The following SMTN variants were observed in gnomAD, a reference collection of about 807,000 sequenced individuals.
SMTN encodes the protein smoothelin.
Under a neutral mutation model 102.0 loss-of-function variants are expected in SMTN, and 58 were observed. The observed-to-expected ratio is 0.57, with a 90% CI of 0.46 to 0.71. SMTN has a LOEUF of 0.71. Among genes scored for constraint, SMTN ranks in the 30% least tolerant of loss-of-function variants. SMTN has a pLI of 0.00. For missense variants in SMTN, 1,185 were observed against 1,241.7 expected, an observed-to-expected ratio of 0.95 and a Z score of 0.69; for synonymous variants, 478 against 497.9, an observed-to-expected ratio of 0.96 and a Z score of 0.53.
chr22:31,076,879 A>G (rs577337540), upstream of SMTN, among the ~76,000 whole-genome samples: 28 of 152,342 alleles, frequency 1.8e-4, no homozygotes, highest in Admixed American at 5.2e-4. Flanking sequence ...TCTGGAGCCA[A>G]AATACCCTCA....
upstream of SMTN, among the ~76,000 whole-genome samples, chr22:31,080,292 G>C (rs545199521): frequency 2.0e-5 from 3 of 152,326 alleles, no homozygotes; most frequent in East Asian, 1.9e-4. Context: ...GGACTCAGAA[G>C]GTGCTGGGTA....
At chr22:31,096,646 C>A in intron 13 of SMTN, 87 bp from the exon 14 acceptor site, 1 of 1,400,508 alleles carries the variant, frequency 7.1e-7, no homozygotes, top group Non-Finnish European at 9.5e-7. Context: ...CCCTCCACCC[C>A]GTCTTGTGTG....
intron 11 of SMTN, chr22:31,093,996 G>A (rs1027258796): frequency 1.1e-5 from 8 of 719,836 alleles, no homozygotes; most frequent in Non-Finnish European, 1.8e-5. Flanking sequence ...GGGGACTGGG[G>A]CACTAGTGCT....
upstream of SMTN, among the ~76,000 whole-genome samples, chr22:31,076,936 G>C (rs900563952): frequency 5.3e-5 from 8 of 152,194 alleles, no homozygotes; most frequent in African/African-American, 1.9e-4. Context: ...GTCCAGAGCT[G>C]AACCTGGAAG....
intron 16 of SMTN, among the ~76,000 whole-genome samples, chr22:31,098,395 C>T (rs2043768480): frequency 6.6e-6 from 1 of 152,102 alleles, no homozygotes; most frequent in Non-Finnish European, 1.5e-5. Flanking sequence ...GCTGAACTCC[C>T]CTGTAACTTG....
At chr22:31,089,233 C>G (rs952137587) in intron 6 of SMTN, among the ~76,000 whole-genome samples, 1 of 152,202 alleles carries the variant, frequency 6.6e-6, no homozygotes, top group Non-Finnish European at 1.5e-5. Flanking sequence ...ATGTCAGACC[C>G]CAGCTGGCTC....
upstream of SMTN, chr22:31,080,773 G>GC (rs1267643930): frequency 6.6e-6 from 1 of 152,468 alleles, no homozygotes; most frequent in African/African-American, 2.4e-5. Context: ...GCTGGGGGAG[G>GC]CGTGCTGTGT....
intron 2 of SMTN, chr22:31,083,635 A>G (rs764544863): frequency 2.1e-5 from 5 of 236,422 alleles, no homozygotes; most frequent in Non-Finnish European, 3.4e-5. Flanking sequence ...AGCTCGGGCA[A>G]TGCCCACCCC....
chr22:31,094,096 C>T lies in SMTN; in HGVS notation c.1633-1207C>T, dbSNP rs1437080013. Among the ~76,000 whole-genome samples, 6 of 152,218 alleles carry T rather than the reference C, an allele frequency of 3.9e-5. No individual in the cohort carries two copies. In the South Asian group the frequency reaches 6.2e-4, roughly 16 times the overall value. ...GCCCCTGGCATGACCCAGGCCCCAG[C>T]CCCCAGCTCCCTGCCGCCCTGCACC... On this transcript the variant is annotated intron_variant, in intron 11 of 20. Coordinates refer to ENST00000333137, the MANE Select transcript of SMTN (RefSeq NM_134269.3).
At chr22:31,085,745 G>T (rs182960591) in intron 2 of SMTN, among the ~76,000 whole-genome samples, 84 of 152,338 alleles carry the variant, frequency 5.5e-4, no homozygotes, top group African/African-American at 2.0e-3. Flanking sequence ...TCCAACCTTT[G>T]CCTCCAGGCC....
At chr22:31,071,037 C>T (rs772297015) in intron 1 of SMTN, among the ~76,000 whole-genome samples, 8 of 149,512 alleles carry the variant, frequency 5.4e-5, no homozygotes, top group Non-Finnish European at 1.0e-4. Context: ...GCCAGGAATT[C>T]CAGACCAGTC....
upstream of SMTN, among the ~76,000 whole-genome samples, chr22:31,079,585 T>C (rs78114663): frequency 9.2e-3 from 1,407 of 152,354 alleles, 19 homozygotes; most frequent in African/African-American, 0.032. Context: ...AAGGGACGCG[T>C]GAATTTTGAA....
At chr22:31,088,273 G>T (rs774738711) in intron 3 of SMTN, 160 bp downstream of exon 3, 1 of 939,178 alleles carries the variant, frequency 1.1e-6, no homozygotes. Context: ...ATGTTTGTGG[G>T]CATGGAGCAT....
At chr22:31,101,956 G>C (rs892986189) in intron 20 of SMTN, 5 of 152,178 alleles carry the variant, frequency 3.3e-5, no homozygotes, top group African/African-American at 1.2e-4. Flanking sequence ...GAGCTAGAGA[G>C]ACAGGCTTCC....
intron 1 of SMTN, among the ~76,000 whole-genome samples, chr22:31,068,844 G>A (rs1326869635): frequency 6.6e-6 from 1 of 152,166 alleles, no homozygotes. Flanking sequence ...ATTTTGGGGA[G>A]CTTCAGATAC....
Position 31,104,460 on chromosome 22 carries a change from T to A in SMTN, c.*165T>A, listed in dbSNP as rs763202193. ...ACGAACTGCGCCTGCGCGGCAAGAA[T>A]GTCTAGCCTGCCCGCCCGCATGGCC... On this transcript the variant is annotated 3_prime_UTR_variant, in exon 21 of 21. Transcript: ENST00000333137. 6.2e-7 allele frequency: 1 copy of A among 1,613,080 alleles called. No individual in the cohort carries two copies. The highest frequency in any genetic ancestry group is 8.5e-7 in the Non-Finnish European group (1 of 1,179,954).
intron 1 of SMTN, among the ~76,000 whole-genome samples, chr22:31,072,414 G>A (rs1342379326): frequency 6.6e-6 from 1 of 152,154 alleles, no homozygotes; most frequent in Admixed American, 6.6e-5. Flanking sequence ...CTGGCTTGCT[G>A]TATGATTTGG....
intron 8 of SMTN, 45 bp from the exon 9 acceptor site, chr22:31,090,763 T>G: frequency 6.8e-7 from 1 of 1,475,402 alleles, no homozygotes; most frequent in Non-Finnish European, 9.5e-7. Context: ...TCCCCTGTCT[T>G]TTCTCTTTCC....
At chr22:31,101,232 G>A in intron 20 of SMTN, 183 bp downstream of exon 20, 1 of 598,250 alleles carries the variant, frequency 1.7e-6, no homozygotes, top group Non-Finnish European at 2.9e-6. Flanking sequence ...TAAATGGGCA[G>A]TGATGACCCA....
Sources: gnomAD v4.1 joint callset for allele counts (sites outside exome capture counted in the v4.1 genomes callset) on GRCh38, gnomAD v4.1.1 for gene constraint, MANE v1.5 for transcripts, NCBI Gene and HGNC (gene_info 2026-07-23, HGNC 2026-07-21) for gene names.